Variants in CCDC60 observed in about 807,000 individuals in gnomAD.
The protein encoded by CCDC60 is coiled-coil domain-containing protein 60.
In CCDC60, 54 loss-of-function variants were observed where a neutral mutation model predicts 63.5. The observed-to-expected ratio is 0.85, with a 90% CI of 0.68 to 1.07. The LOEUF is 1.07. CCDC60 is among the 50% of genes least tolerant of loss of function. CCDC60 has a pLI of 0.00. For missense variants in CCDC60, 651 were observed against 684.3 expected (o/e 0.95, Z 0.54); for synonymous variants, 206 against 238.8 (o/e 0.86, Z 1.27).
intron 7 of CCDC60, among the ~76,000 whole-genome samples, chr12:119,512,185 T>C (rs1952230540): frequency 1.3e-5 from 2 of 152,224 alleles, no homozygotes; most frequent in Admixed American, 6.5e-5. Flanking sequence ...CTTCCAGGTA[T>C]GGCTTTTGAC....
At chr12:119,472,707 A>G (rs1240961252) in intron 3 of CCDC60, among the ~76,000 whole-genome samples, 1 of 151,124 alleles carries the variant, frequency 6.6e-6, no homozygotes, top group Admixed American at 6.6e-5. Context: ...CAGCCTCCCA[A>G]GTAGCTGGGA....
intron 2 of CCDC60, among the ~76,000 whole-genome samples, chr12:119,442,920 G>A (rs1950475308): frequency 6.6e-6 from 1 of 152,230 alleles, no homozygotes; most frequent in African/African-American, 2.4e-5. Flanking sequence ...TAAAGAGGCT[G>A]AAAGTACTTC....
At position 119,527,881 on chromosome 12, in the gene CCDC60, C is replaced by A. The variant is rs112483766; in HGVS notation, c.1230-734C>A. 8.6e-5 allele frequency among the ~76,000 whole-genome samples: 13 copies of A among 151,270 alleles called. No homozygotes were observed. In the South Asian group the frequency reaches 2.5e-3, roughly 29 times the overall value. On this transcript the variant is annotated intron_variant, in intron 11 of 13. Coordinates refer to ENST00000327554, the MANE Select transcript of CCDC60 (RefSeq NM_178499.5). ...TTTTTTTAGTAGAGACGGGGTTTCA[C>A]CATGTTAGCCAGGATGGTGTCGATC... is the stretch of plus-strand genomic sequence containing the variant.
intron 7 of CCDC60, among the ~76,000 whole-genome samples, chr12:119,511,093 A>G (rs1326568708): frequency 2.0e-5 from 3 of 152,016 alleles, no homozygotes; most frequent in Non-Finnish European, 2.9e-5. Flanking sequence ...AAAATGACTG[A>G]AAAAAAATGA....
chr12:119,534,372 T>C (rs551849100), intron 13 of CCDC60, among the ~76,000 whole-genome samples: 2 of 152,320 alleles, frequency 1.3e-5, no homozygotes, highest in African/African-American at 4.8e-5. Context: ...TAGGGACATT[T>C]TGACTTCCTC....
chr12:119,501,542 C>T (rs1730466311), intron 6 of CCDC60, among the ~76,000 whole-genome samples: 1 of 152,114 alleles, frequency 6.6e-6, no homozygotes, highest in Admixed American at 6.5e-5. Context: ...GTCTTCCTGA[C>T]CCCATGATTA....
intron 1 of CCDC60, among the ~76,000 whole-genome samples, chr12:119,350,965 C>T (rs1453997486): frequency 6.6e-6 from 1 of 152,196 alleles, no homozygotes; most frequent in African/African-American, 2.4e-5. Flanking sequence ...CTCCATCTCT[C>T]TACCTTCCTT....
intron 2 of CCDC60, among the ~76,000 whole-genome samples, chr12:119,460,862 G>A (rs1481653403): frequency 6.6e-6 from 1 of 152,126 alleles, no homozygotes; most frequent in Non-Finnish European, 1.5e-5. Flanking sequence ...ATGGTGCTTT[G>A]GATTGGGTAA....
intron 3 of CCDC60, among the ~76,000 whole-genome samples, chr12:119,477,923 C>G (rs956751549): frequency 2.6e-5 from 4 of 151,428 alleles, no homozygotes; most frequent in Non-Finnish European, 5.9e-5. Flanking sequence ...CACACACTCA[C>G]AGAGAGAGAG....
chr12:119,421,044 C>T (rs1333080009), intron 1 of CCDC60, among the ~76,000 whole-genome samples: 5 of 151,874 alleles, frequency 3.3e-5, no homozygotes, highest in African/African-American at 9.7e-5. Context: ...CCTCCCTTCC[C>T]CGCTCACCCC....
chr12:119,382,259 G>A (rs763693640), intron 1 of CCDC60, among the ~76,000 whole-genome samples: 1 of 152,194 alleles, frequency 6.6e-6, no homozygotes, highest in Non-Finnish European at 1.5e-5. Context: ...GTTTTACCAT[G>A]AGGCAGAGAT....
At chr12:119,447,219 T>C (rs1950558711) in intron 2 of CCDC60, among the ~76,000 whole-genome samples, 1 of 152,146 alleles carries the variant, frequency 6.6e-6, no homozygotes, top group Non-Finnish European at 1.5e-5. Flanking sequence ...TCAAAAGCCC[T>C]CTTTGCACGG....
chr12:119,416,731 T>C (rs928036554), intron 1 of CCDC60, among the ~76,000 whole-genome samples: 2 of 152,246 alleles, frequency 1.3e-5, no homozygotes, highest in Non-Finnish European at 2.9e-5. Flanking sequence ...GAATGCTTAT[T>C]TTGCTGGTTA....
intron 2 of CCDC60, among the ~76,000 whole-genome samples, chr12:119,463,649 A>T (rs2136309698): frequency 6.6e-6 from 1 of 152,378 alleles, no homozygotes; most frequent in South Asian, 2.1e-4. Flanking sequence ...CGAAATCCCA[A>T]CAGTGCCGAG....
intron 7 of CCDC60, among the ~76,000 whole-genome samples, chr12:119,513,556 G>C (rs978554638): frequency 6.6e-6 from 1 of 152,058 alleles, no homozygotes. Context: ...CTACTTATAA[G>C]GACACTAGTC....
At chr12:119,514,191 C>T (rs1414871717) in intron 7 of CCDC60, among the ~76,000 whole-genome samples, 20 of 146,146 alleles carry the variant, frequency 1.4e-4, no homozygotes, top group Non-Finnish European at 2.6e-4. Context: ...TTTTTTTTTT[C>T]CTGAGACAAA....
rs1368320381 is a variant in CCDC60, at chr12:119,530,807, T to C, written c.1362-67T>C. ...AGAGAGCAGAAAGAGAAAGTGGAGA[T>C]GGATGGCCAGAGGTGCTCAGATCTT... On this transcript the variant is annotated intron_variant, in intron 12 of 13. Transcript: ENST00000327554. 8 of 1,364,344 alleles carry C rather than the reference T, an allele frequency of 5.9e-6. No homozygotes were observed. The East Asian group carries it at 1.8e-4, about 31-fold the overall frequency. The allele number at this position is 1,364,344 out of a possible 1,614,324, so 84.5% of individuals were successfully genotyped here.
At chr12:119,351,407 G>T (rs1342944152) in intron 1 of CCDC60, among the ~76,000 whole-genome samples, 1 of 152,082 alleles carries the variant, frequency 6.6e-6, no homozygotes, top group Admixed American at 6.6e-5. Context: ...CCTGAGTCTG[G>T]GTAACCTATA....
intron 5 of CCDC60, among the ~76,000 whole-genome samples, chr12:119,493,518 GTC>G (rs1261651265): frequency 6.6e-6 from 1 of 151,458 alleles, no homozygotes; most frequent in Non-Finnish European, 1.5e-5. Flanking sequence ...TTGCATCTGA[GTC>G]TCTGCTTTAT....
Sources: gnomAD v4.1 joint callset for allele counts (sites outside exome capture counted in the v4.1 genomes callset) on GRCh38, gnomAD v4.1.1 for gene constraint, MANE v1.5 for transcripts, NCBI Gene and HGNC (gene_info 2026-07-23, HGNC 2026-07-21) for gene names.